The following AGBL1 variants were observed in gnomAD, a reference collection of about 807,000 sequenced individuals.
AGBL1 encodes AGBL carboxypeptidase 1, also known as cytosolic carboxypeptidase 4.
AGBL1 carries 130 observed loss-of-function variants against 118.9 expected under a neutral mutation model. The observed-to-expected ratio is 1.09, with a 90% CI of 0.95 to 1.26. The LOEUF is 1.26. Among genes scored for constraint, AGBL1 ranks in the 50% most tolerant of loss-of-function variants. AGBL1 has a pLI of 0.00. For missense variants in AGBL1, 1,584 were observed against 1,298.1 expected (o/e 1.22, Z -3.38); for synonymous variants, 555 against 478.9 (o/e 1.16, Z -2.08).
intron 18 of AGBL1, among the ~76,000 whole-genome samples, chr15:86,417,708 T>G (rs946273590): frequency 6.6e-6 from 1 of 152,118 alleles, no homozygotes; most frequent in Non-Finnish European, 1.5e-5. Context: ...GCAAAGAGTG[T>G]GTGTGCAGTA....
downstream of AGBL1, among the ~76,000 whole-genome samples, chr15:86,920,125 G>A (rs12591965): frequency 0.42 from 63,803 of 152,024 alleles, 15,889 homozygotes; most frequent in Non-Finnish European, 0.56. Flanking sequence ...AAACCCAAGC[G>A]TCAGTCAGCC....
At chr15:86,189,487 A>G (rs1245152189) in intron 5 of AGBL1, among the ~76,000 whole-genome samples, 1 of 152,134 alleles carries the variant, frequency 6.6e-6, no homozygotes, top group African/African-American at 2.4e-5. Flanking sequence ...GCCTGGTAGG[A>G]GGCATTTAGA....
intron 21 of AGBL1, among the ~76,000 whole-genome samples, chr15:86,585,143 C>A (rs1336427662): frequency 2.6e-5 from 4 of 152,156 alleles, no homozygotes; most frequent in Non-Finnish European, 5.9e-5. Flanking sequence ...GATAATTTGA[C>A]TTCTTCTTTT....
intron 16 of AGBL1, among the ~76,000 whole-genome samples, chr15:86,281,518 T>C (rs1496892): frequency 0.82 from 125,222 of 152,230 alleles, 52,927 homozygotes; most frequent in African/African-American, 0.95. Context: ...CTGTTCTTTT[T>C]GCTTGTTAGA....
rs187875365 is a variant in AGBL1, at chr15:87,024,003, T to C, written c.3324-4822T>C. Among the ~76,000 whole-genome samples the C allele has an allele frequency of 3.3e-3, 496 of 152,072 alleles. 9 individuals are homozygous for C. The highest frequency in any genetic ancestry group is 0.011 in the African/African-American group (464 of 41,530). On this transcript the variant is annotated intron_variant, in intron 24 of 24. Transcript: ENST00000441037. The stretch of plus-strand genomic sequence containing the variant: ...AAGGCAGTGCTAAGAGGAAGGTTCA[T>C]AGCACTAAATACCTACATCAAAAAG...
At chr15:86,972,298 G>A (rs1052795840) in intron 23 of AGBL1, among the ~76,000 whole-genome samples, 1 of 151,908 alleles carries the variant, frequency 6.6e-6, no homozygotes, top group Non-Finnish European at 1.5e-5. Flanking sequence ...ACAACATTTG[G>A]CATTCCTGAA....
chr15:86,437,692 G>A (rs2082015287), intron 18 of AGBL1, among the ~76,000 whole-genome samples: 1 of 152,094 alleles, frequency 6.6e-6, no homozygotes, highest in Admixed American at 6.6e-5. Flanking sequence ...TCAGGATGGA[G>A]GTTAGGCTTT....
intron 22 of AGBL1, among the ~76,000 whole-genome samples, chr15:86,807,928 G>A (rs1283604930): frequency 6.6e-6 from 1 of 152,084 alleles, no homozygotes; most frequent in African/African-American, 2.4e-5. Context: ...ATCAGAGTGT[G>A]AATATAAGCT....
At chr15:86,588,603 C>T (rs112298434) in intron 21 of AGBL1, among the ~76,000 whole-genome samples, 2,221 of 152,296 alleles carry the variant, frequency 0.015, 58 homozygotes, top group African/African-American at 0.051. Flanking sequence ...GCAACCACAA[C>T]CTGATCAAAT....
intron 22 of AGBL1, among the ~76,000 whole-genome samples, chr15:86,827,182 G>A (rs2079022747): frequency 6.8e-6 from 1 of 147,858 alleles, no homozygotes; most frequent in African/African-American, 2.5e-5. Flanking sequence ...ACCAATACCA[G>A]GGGACCTAAA....
intron 17 of AGBL1, among the ~76,000 whole-genome samples, chr15:86,384,433 G>C (rs1204634005): frequency 6.6e-6 from 1 of 152,034 alleles, no homozygotes; most frequent in Admixed American, 6.6e-5. Context: ...TTCCTGATGC[G>C]ATTACACACT....
At chr15:86,111,592 T>G (rs1003802732) in intron 1 of AGBL1, among the ~76,000 whole-genome samples, 3 of 152,166 alleles carry the variant, frequency 2.0e-5, no homozygotes, top group African/African-American at 7.2e-5. Context: ...TAGAGGTATT[T>G]GGAAAAGAAG....
chr15:86,207,504 G>T (rs1252963842), intron 5 of AGBL1, among the ~76,000 whole-genome samples: 1 of 152,078 alleles, frequency 6.6e-6, no homozygotes, highest in African/African-American at 2.4e-5. Context: ...GTGGTTTGTA[G>T]TTCTCCTTGA....
At chr15:86,135,339 C>A (rs549923761) in intron 1 of AGBL1, among the ~76,000 whole-genome samples, 11 of 152,224 alleles carry the variant, frequency 7.2e-5, no homozygotes, top group African/African-American at 2.7e-4. Flanking sequence ...GCCTGCAGAA[C>A]GTGAGCCAAA....
intron 18 of AGBL1, among the ~76,000 whole-genome samples, chr15:86,513,276 G>T (rs1158217129): frequency 1.3e-5 from 2 of 151,824 alleles, no homozygotes; most frequent in African/African-American, 4.8e-5. Context: ...TTTTTGAAGA[G>T]TACTGGTGAG....
intron 21 of AGBL1, among the ~76,000 whole-genome samples, chr15:86,659,862 T>C (rs2085512688): frequency 6.6e-6 from 1 of 152,192 alleles, no homozygotes; most frequent in Admixed American, 6.5e-5. Flanking sequence ...CAAAGTTATA[T>C]GGGCCCATGG....
At chr15:86,211,257 A>G (rs576376688) in intron 5 of AGBL1, among the ~76,000 whole-genome samples, 77 of 152,300 alleles carry the variant, frequency 5.1e-4, no homozygotes, top group Non-Finnish European at 1.0e-3. Flanking sequence ...GTTGGCCCCT[A>G]CTGGGAGGTG....
At chr15:86,304,338 A>G (rs2079803450) in intron 17 of AGBL1, among the ~76,000 whole-genome samples, 1 of 152,006 alleles carries the variant, frequency 6.6e-6, no homozygotes, top group African/African-American at 2.4e-5. Context: ...CTCCATAGCT[A>G]TGCATGGTTG....
At chr15:86,412,461 C>A (rs1195685384) in intron 18 of AGBL1, among the ~76,000 whole-genome samples, 4 of 152,120 alleles carry the variant, frequency 2.6e-5, no homozygotes, top group African/African-American at 9.7e-5. Flanking sequence ...GAACCTAAAT[C>A]TTGTATGTTC....
Sources: gnomAD v4.1 joint callset for allele counts (sites outside exome capture counted in the v4.1 genomes callset) on GRCh38, gnomAD v4.1.1 for gene constraint, MANE v1.5 for transcripts, NCBI Gene and HGNC (gene_info 2026-07-23, HGNC 2026-07-21) for gene names.